The following DLG1 variants were observed in gnomAD, a reference collection of about 807,000 sequenced individuals.
The protein encoded by DLG1 is discs large MAGUK scaffold protein 1, also known as disks large homolog 1.
A neutral mutation model predicts 123.4 loss-of-function variants in DLG1; 42 were observed. That is an observed-to-expected ratio of 0.34 (90% confidence interval 0.27 to 0.44). The LOEUF is 0.44. DLG1 is among the 20% of genes least tolerant of loss of function. The pLI, the probability that DLG1 is intolerant of heterozygous loss-of-function variation, is 1.00. For synonymous variants in DLG1, 317 were observed against 356.2 expected (o/e 0.89, Z 1.24); for missense variants, 942 against 1,082.6 (o/e 0.87, Z 1.82).
At chr3:197,203,164 G>A (rs966662024) in intron 4 of DLG1, among the ~76,000 whole-genome samples, 3 of 152,078 alleles carry the variant, frequency 2.0e-5, no homozygotes, top group Non-Finnish European at 2.9e-5. Context: ...TGGGGAGGCC[G>A]AGGGTAGGAG....
intron 9 of DLG1, among the ~76,000 whole-genome samples, chr3:197,137,989 A>AC (rs1785964867): frequency 6.6e-6 from 1 of 151,460 alleles, no homozygotes; most frequent in African/African-American, 2.4e-5. Flanking sequence ...CAAACAAAAA[A>AC]ACCCCGCAAA....
rs1232310719 is a variant in DLG1 at position 197,149,793 on chromosome 3, T to A, written c.487A>T (p.Asn163Tyr). ...GTGTTGACCAGTACTGGGGGAGGAT[T>A]TGCCTTTAAGAAGAAATTGTAAATG... ...SHSHISPIKANPPPVLVNTDS... is the reference protein window; with the variant it reads ...SHSHISPIKAYPPPVLVNTDS... Residue 163 changes from asparagine (N) to tyrosine (Y), a missense_variant, in exon 6 of 25, where the codon AAT (asparagine) becomes TAT (tyrosine). Asn to Tyr is a moderately radical substitution (Grantham distance 143). Transcript: ENST00000667157. 1.3e-6 allele frequency: 2 copies of A among 1,587,240 alleles called. No homozygotes were observed. Among genetic ancestry groups the A allele is most frequent in the South Asian group, 1.1e-5 (1 of 89,126 alleles).
chr3:197,135,986 A>AT (rs1052462647), intron 10 of DLG1, among the ~76,000 whole-genome samples: 1 of 151,892 alleles, frequency 6.6e-6, no homozygotes, highest in Non-Finnish European at 1.5e-5. Flanking sequence ...TAATTTCTGT[A>AT]TTTTTTGTAG....
rs1356157969 is a variant in DLG1 at position 197,238,807 on chromosome 3, CAA to C, written c.318+43870_318+43871del. On this transcript the variant is annotated intron_variant, in intron 4 of 24. Transcript: ENST00000667157. ...GAATGAACACAAAAACACAACATAACAAAATTTATGGTATAAAGTGAAAGCAG... is the reference window on the plus strand; with the variant it reads ...GAATGAACACAAAAACACAACATAACAATTTATGGTATAAAGTGAAAGCAG... Among the ~76,000 whole-genome samples, 8 of 152,198 alleles carry C rather than the reference CAA, an allele frequency of 5.3e-5. No homozygotes were observed. The East Asian group carries it at 1.5e-3, about 29-fold the overall frequency.
intron 15 of DLG1, among the ~76,000 whole-genome samples, chr3:197,088,534 A>T (rs902314794): frequency 2.0e-5 from 3 of 152,202 alleles, no homozygotes; most frequent in Non-Finnish European, 4.4e-5. Context: ...AGGAAGATTA[A>T]TTGAGAAAGA....
At chr3:197,226,587 T>A (rs1740078657) in intron 4 of DLG1, among the ~76,000 whole-genome samples, 1 of 152,212 alleles carries the variant, frequency 6.6e-6, no homozygotes, top group East Asian at 1.9e-4. Flanking sequence ...GATTCCTCTC[T>A]ATAAACAATT....
chr3:197,060,300 C>CT (rs936724742), intron 22 of DLG1, among the ~76,000 whole-genome samples: 9 of 152,122 alleles, frequency 5.9e-5, no homozygotes, highest in Non-Finnish European at 8.8e-5. Context: ...CCGCCGTTCC[C>CT]TTTTTTTAAA....
intron 24 of DLG1, among the ~76,000 whole-genome samples, chr3:197,046,618 T>C (rs939119307): frequency 5.9e-5 from 9 of 152,164 alleles, no homozygotes; most frequent in Admixed American, 2.0e-4. Context: ...ACGCCTGTAG[T>C]CCCACCACTT....
intron 4 of DLG1, among the ~76,000 whole-genome samples, chr3:197,267,976 G>GA (rs2151015956): frequency 6.6e-6 from 1 of 152,162 alleles, no homozygotes; most frequent in East Asian, 1.9e-4. Flanking sequence ...GATTCTAAAA[G>GA]AAAAAAGGAT....
intron 5 of DLG1, chr3:197,183,507 A>AGT: frequency 7.3e-7 from 1 of 1,364,516 alleles, no homozygotes; most frequent in South Asian, 1.4e-5. Flanking sequence ...AATCTATATT[A>AGT]AGACATTTTT....
At chr3:197,102,259 T>C (rs751969348) in intron 14 of DLG1, among the ~76,000 whole-genome samples, 20 of 152,306 alleles carry the variant, frequency 1.3e-4, no homozygotes, top group Non-Finnish European at 2.5e-4. Flanking sequence ...ATAAAAGTAC[T>C]TTTTTGGAAG....
chr3:197,077,506 AAAG>A (rs1287354775), intron 17 of DLG1, among the ~76,000 whole-genome samples: 1 of 152,204 alleles, frequency 6.6e-6, no homozygotes, highest in African/African-American at 2.4e-5. Context: ...TTATTAAAAA[AAAG>A]TACACATAAA....
chr3:197,138,117 A>C, intron 9 of DLG1, 105 bp downstream of exon 9: 3 of 607,548 alleles, frequency 4.9e-6, no homozygotes, highest in Non-Finnish European at 7.6e-6. Context: ...GTTCTGTAGA[A>C]TATTACTAAT....
At chr3:197,101,365 C>T (rs1763342119) in intron 14 of DLG1, among the ~76,000 whole-genome samples, 1 of 151,792 alleles carries the variant, frequency 6.6e-6, no homozygotes, top group African/African-American at 2.4e-5. Flanking sequence ...TACAGTTTTA[C>T]TATTATATAC....
chr3:197,163,100 C>T (rs1285921709), intron 5 of DLG1, among the ~76,000 whole-genome samples: 3 of 152,148 alleles, frequency 2.0e-5, no homozygotes. Flanking sequence ...CGAAAAGATG[C>T]TCGACATCAT....
At chr3:197,165,702 T>C (rs1461084883) in intron 5 of DLG1, among the ~76,000 whole-genome samples, 3 of 152,224 alleles carry the variant, frequency 2.0e-5, no homozygotes, top group Admixed American at 1.3e-4. Flanking sequence ...CTTCTAAGAA[T>C]GTTTGAAAAC....
At chr3:197,059,555 T>G (rs1734316698) in intron 23 of DLG1, among the ~76,000 whole-genome samples, 1 of 151,292 alleles carries the variant, frequency 6.6e-6, no homozygotes, top group South Asian at 2.1e-4. Flanking sequence ...TTTTGTCCCC[T>G]GAAAGTATTA....
chr3:197,258,384 GTT>G (rs1012587574), intron 4 of DLG1, among the ~76,000 whole-genome samples: 5 of 116,444 alleles, frequency 4.3e-5, no homozygotes, highest in African/African-American at 1.7e-4. Flanking sequence ...ATTTGCAAAC[GTT>G]TTAAAGTCAG....
chr3:197,297,362 G>A (rs1777946841), intron 1 of DLG1, 127 bp from the exon 2 acceptor site: 3 of 1,471,570 alleles, frequency 2.0e-6, no homozygotes, highest in Middle Eastern at 1.8e-4. Flanking sequence ...CCAAGTCAAA[G>A]AAAGAGTCTC....
Sources: allele counts gnomAD v4.1 joint callset (sites outside exome capture counted in the v4.1 genomes callset), GRCh38; gene constraint gnomAD v4.1.1; transcripts MANE v1.5; gene names NCBI Gene and HGNC (gene_info 2026-07-23, HGNC 2026-07-21).